Variants in HIF1A observed in about 807,000 individuals in gnomAD.
HIF1A encodes hypoxia-inducible factor 1-alpha.
A neutral mutation model predicts 92.7 loss-of-function variants in HIF1A; 24 were observed. That is an observed-to-expected ratio of 0.26 (90% CI 0.19 to 0.36). The LOEUF (loss-of-function observed/expected upper bound fraction) is 0.36. HIF1A is among the 10% of genes least tolerant of loss of function. The pLI, the probability that HIF1A is intolerant of heterozygous loss-of-function variation, is 1.00. For missense variants in HIF1A, 799 were observed against 998.5 expected (o/e 0.80, Z 2.69); for synonymous variants, 319 against 338.7 (o/e 0.94, Z 0.64).
At chr14:61,735,795 T>A (rs1191347129) in intron 8 of HIF1A, among the ~76,000 whole-genome samples, 12 of 152,206 alleles carry the variant, frequency 7.9e-5, no homozygotes, top group Non-Finnish European at 1.5e-4. Context: ...AGAAAGATCT[T>A]AATCATTTAT....
intron 13 of HIF1A, chr14:61,745,450 G>A: frequency 2.1e-6 from 1 of 485,520 alleles, no homozygotes; most frequent in Non-Finnish European, 3.7e-6. Context: ...GCTATGTTTT[G>A]GGGTAAGTCA....
At chr14:61,699,812 A>G (rs2044159062) in intron 1 of HIF1A, among the ~76,000 whole-genome samples, 1 of 152,186 alleles carries the variant, frequency 6.6e-6, no homozygotes, top group South Asian at 2.1e-4. Flanking sequence ...AGAATTTGAA[A>G]CTAAGACAAG....
intron 4 of HIF1A, among the ~76,000 whole-genome samples, chr14:61,723,062 C>A (rs1195931803): frequency 6.6e-6 from 1 of 152,128 alleles, no homozygotes; most frequent in Non-Finnish European, 1.5e-5. Context: ...TGGAAAGTTA[C>A]CACAAGGAAA....
At chr14:61,714,295 A>T (rs1236877596) in intron 1 of HIF1A, among the ~76,000 whole-genome samples, 3 of 152,232 alleles carry the variant, frequency 2.0e-5, no homozygotes, top group African/African-American at 7.2e-5. Flanking sequence ...AGGAAAAAGA[A>T]CAGTAACTGA....
intron 1 of HIF1A, among the ~76,000 whole-genome samples, chr14:61,705,228 T>C (rs2044225737): frequency 6.6e-6 from 1 of 152,162 alleles, no homozygotes; most frequent in Non-Finnish European, 1.5e-5. Context: ...CTTTTAGTGG[T>C]CATTTGGTAA....
chr14:61,714,306 AT>A (rs1188776793), intron 1 of HIF1A, among the ~76,000 whole-genome samples: 2 of 152,238 alleles, frequency 1.3e-5, no homozygotes, highest in Non-Finnish European at 2.9e-5. Context: ...CAGTAACTGA[AT>A]TCTCTTATGG....
chr14:61,732,355 G>C (rs1477575457), intron 6 of HIF1A, 63 bp from the exon 7 acceptor site: 2 of 1,060,998 alleles, frequency 1.9e-6, no homozygotes, highest in Non-Finnish European at 2.9e-6. Context: ...CTTGGGAGGA[G>C]AAAAATTTTT....
In HIF1A at chr14:61,734,292, A is replaced by T. The variant is rs1376403670; in HGVS notation, c.1028+7A>T. ...GTGTGAATTACGTTGTGAGGTAAGT[A>T]AGTTTGAGAAATAAACATTTTTGGG... is the stretch of plus-strand genomic sequence containing the variant. On this transcript the variant is annotated splice_region_variant and intron_variant, in intron 8 of 14. Transcript: ENST00000337138. 6.3e-6 allele frequency: 10 copies of T among 1,596,396 alleles called. No individual in the cohort carries two copies. The highest frequency in any genetic ancestry group is 2.2e-5 in the East Asian group (1 of 44,566).
intron 13 of HIF1A, 55 bp downstream of exon 13, chr14:61,744,868 T>A: frequency 2.0e-6 from 1 of 501,558 alleles, no homozygotes; most frequent in Non-Finnish European, 3.5e-6. Flanking sequence ...TTCGTGTGTG[T>A]GTGTGTGTGT....
chr14:61,709,745 C>T (rs899142760), intron 1 of HIF1A, among the ~76,000 whole-genome samples: 5 of 152,030 alleles, frequency 3.3e-5, no homozygotes, highest in Non-Finnish European at 7.4e-5. Flanking sequence ...ACAGAATTTT[C>T]AAAATTTGAA....
At chr14:61,724,976 T>C (rs1056539007) in intron 4 of HIF1A, among the ~76,000 whole-genome samples, 1 of 152,208 alleles carries the variant, frequency 6.6e-6, no homozygotes, top group Admixed American at 6.5e-5. Flanking sequence ...TTACTACTCT[T>C]CTACGTGTAC....
intron 12 of HIF1A, among the ~76,000 whole-genome samples, chr14:61,742,988 G>A (rs1296837983): frequency 6.6e-6 from 1 of 151,140 alleles, no homozygotes; most frequent in Admixed American, 6.6e-5. Context: ...CAGCTACAGA[G>A]GATGGGATAT....
At chr14:61,728,190 G>A (rs2044531166) in intron 6 of HIF1A, among the ~76,000 whole-genome samples, 1 of 152,160 alleles carries the variant, frequency 6.6e-6, no homozygotes, top group African/African-American at 2.4e-5. Context: ...CAGAAGTTAA[G>A]ATGAGTCTTT....
At chr14:61,698,711 A>G (rs1029221266) in intron 1 of HIF1A, among the ~76,000 whole-genome samples, 3 of 152,174 alleles carry the variant, frequency 2.0e-5, no homozygotes, top group South Asian at 2.1e-4. Flanking sequence ...ACAATGGGCA[A>G]AAGAGTACAT....
At chr14:61,713,449 A>G (rs2044329164) in intron 1 of HIF1A, among the ~76,000 whole-genome samples, 1 of 152,162 alleles carries the variant, frequency 6.6e-6, no homozygotes, top group Non-Finnish European at 1.5e-5. Flanking sequence ...TCAAATTCCC[A>G]GTGAGGCCTA....
intron 1 of HIF1A, among the ~76,000 whole-genome samples, chr14:61,708,307 A>G (rs957069669): frequency 2.0e-5 from 3 of 152,128 alleles, no homozygotes; most frequent in Admixed American, 2.0e-4. Flanking sequence ...CTTTAGTTTA[A>G]TTAGATCCTA....
Position 61,740,535 on chromosome 14 carries a change from G to T in HIF1A, c.1567G>T (p.Val523Leu), listed in dbSNP as rs750734712. 16 of 1,593,454 alleles carry T rather than the reference G, an allele frequency of 1.0e-5. No homozygotes were observed. Among genetic ancestry groups the T allele is most frequent in the Non-Finnish European group, 1.4e-5 (16 of 1,166,628 alleles). The change falls in exon 11 of 15, where the codon GTG becomes TTG. Residue 523 changes from valine (V) to leucine (L), a missense_variant. Around this residue, in one of 2 missense-constraint regions of HIF1A, gnomAD observed 516 missense variants for 721.0 expected, o/e 0.72. Coordinates refer to ENST00000337138, the MANE Select transcript of HIF1A (RefSeq NM_001530.4). ...PNSPSEYCFY[V>L]DSDMVNEFKL... is the part of the protein sequence containing the mutation. ...TAGTCCCAGTGAATATTGTTTTTAT[G>T]TGGATAGTGATATGGTCAATGAATT...
chr14:61,704,162 G>A (rs1281087039), intron 1 of HIF1A, among the ~76,000 whole-genome samples: 1 of 152,160 alleles, frequency 6.6e-6, no homozygotes, highest in East Asian at 1.9e-4. Flanking sequence ...CAAAGTAAGG[G>A]CTTAATTAAG....
intron 1 of HIF1A, among the ~76,000 whole-genome samples, chr14:61,713,400 GGATCCTGACTTA>G (rs911303538): frequency 5.3e-5 from 8 of 152,050 alleles, no homozygotes; most frequent in African/African-American, 1.9e-4. Context: ...TCAGATTTTG[GGATCCTGACTTA>G]GATCTACTGA....
Sources: gnomAD v4.1 joint callset for allele counts (sites outside exome capture counted in the v4.1 genomes callset) on GRCh38, gnomAD v4.1.1 for gene constraint, gnomAD v4.1.1 regional missense constraint, MANE v1.5 for transcripts, NCBI Gene and HGNC (gene_info 2026-07-23, HGNC 2026-07-21) for gene names.